Variants in ANO10 observed in about 807,000 individuals in gnomAD.
ANO10 encodes anoctamin 10.
Under a neutral mutation model 74.7 loss-of-function variants are expected in ANO10, and 77 were observed. The ratio of observed to expected loss-of-function variants is 1.03; its 90% CI spans 0.86 to 1.25. The LOEUF is 1.25. ANO10 is among the 50% of genes most tolerant of loss of function. ANO10 has a pLI of 0.00. For missense variants in ANO10, 721 were observed against 778.1 expected (o/e 0.93, Z 0.87); for synonymous variants, 279 against 284.9 (o/e 0.98, Z 0.21).
At chr3:43,492,290 C>A (rs2076752438) in intron 11 of ANO10, among the ~76,000 whole-genome samples, 1 of 152,138 alleles carries the variant, frequency 6.6e-6, no homozygotes, top group Non-Finnish European at 1.5e-5. Context: ...AAAATCAACT[C>A]AAGATGGATC....
intron 11 of ANO10, among the ~76,000 whole-genome samples, chr3:43,526,410 C>T (rs2078199177): frequency 6.6e-6 from 1 of 152,192 alleles, no homozygotes; most frequent in Non-Finnish European, 1.5e-5. Flanking sequence ...GGAGAAGCGT[C>T]AGCATGCATG....
intron 11 of ANO10, among the ~76,000 whole-genome samples, chr3:43,489,754 C>G (rs2076646807): frequency 6.6e-6 from 1 of 152,012 alleles, no homozygotes; most frequent in African/African-American, 2.4e-5. Flanking sequence ...CTTTTCTTTT[C>G]TTTGAGCTAG....
chr3:43,647,442 C>A (rs1008564302), intron 1 of ANO10, among the ~76,000 whole-genome samples: 2 of 151,908 alleles, frequency 1.3e-5, no homozygotes, highest in Admixed American at 6.6e-5. Flanking sequence ...AGTGAATTCA[C>A]CCTCCTCCCA....
At chr3:43,467,129 C>G (rs2075660536) in intron 11 of ANO10, among the ~76,000 whole-genome samples, 1 of 152,194 alleles carries the variant, frequency 6.6e-6, no homozygotes, top group South Asian at 2.1e-4. Flanking sequence ...CTGGAACTCT[C>G]AATCATTGCT....
chr3:43,604,660 A>C (rs1345727380), intron 2 of ANO10, among the ~76,000 whole-genome samples: 2 of 152,094 alleles, frequency 1.3e-5, no homozygotes, highest in Non-Finnish European at 2.9e-5. Flanking sequence ...CTTTTTTGGA[A>C]AGATTTTTTA....
intron 12 of ANO10, among the ~76,000 whole-genome samples, chr3:43,369,319 T>C (rs560656455): frequency 1.3e-5 from 2 of 152,356 alleles, no homozygotes; most frequent in South Asian, 4.1e-4. Context: ...CCTAAGAGCC[T>C]GAGGATGTCC....
intron 3 of ANO10, 99 bp downstream of exon 3, chr3:43,600,285 G>T: frequency 2.3e-6 from 3 of 1,320,132 alleles, no homozygotes; most frequent in South Asian, 1.2e-5. Flanking sequence ...TTTACTATTT[G>T]ACCCTTTACT....
intron 11 of ANO10, among the ~76,000 whole-genome samples, chr3:43,450,122 T>C (rs2148993269): frequency 6.6e-6 from 1 of 152,366 alleles, no homozygotes; most frequent in East Asian, 1.9e-4. Flanking sequence ...ACTTTTATTC[T>C]ACTAGTTTCT....
chr3:43,525,075 T>A (rs1390926259), intron 11 of ANO10, among the ~76,000 whole-genome samples: 1 of 152,166 alleles, frequency 6.6e-6, no homozygotes, highest in Non-Finnish European at 1.5e-5. Flanking sequence ...GCAAATGTGT[T>A]GAGGTCATCA....
chr3:43,535,352 T>G (rs923155084), intron 11 of ANO10, among the ~76,000 whole-genome samples: 4 of 149,206 alleles, frequency 2.7e-5, no homozygotes, highest in African/African-American at 9.9e-5. Flanking sequence ...CTTGGCTCAC[T>G]GAAACCTCTG....
chr3:43,366,897 G>A lies in ANO10; in HGVS notation c.*9C>T, dbSNP rs1256964777. 6.3e-6 allele frequency: 10 copies of A among 1,580,902 alleles called. No individual in the cohort carries two copies. Among genetic ancestry groups the A allele is most frequent in the South Asian group, 3.5e-5 (3 of 86,470 alleles). ...CTCTGCCAACAGGGCAGCTGGGCAC[G>A]CTGGGCACTCAGGTTGCCTTCTCCT... On this transcript the variant is annotated 3_prime_UTR_variant, in exon 13 of 13. Coordinates refer to ENST00000292246, the MANE Select transcript of ANO10 (RefSeq NM_018075.5).
At chr3:43,650,457 G>T in intron 1 of ANO10, among the ~76,000 whole-genome samples, 1 of 152,030 alleles carries the variant, frequency 6.6e-6, no homozygotes, top group South Asian at 2.1e-4. Context: ...TGGGTAGTTA[G>T]AAAAAGAAAA....
At chr3:43,402,002 G>A (rs1486943808) in intron 12 of ANO10, among the ~76,000 whole-genome samples, 1 of 152,168 alleles carries the variant, frequency 6.6e-6, no homozygotes, top group Admixed American at 6.5e-5. Flanking sequence ...AGGTGCTTTA[G>A]GCACAGTCCG....
chr3:43,650,427 A>G (rs191333254), intron 1 of ANO10, among the ~76,000 whole-genome samples: 1 of 152,368 alleles, frequency 6.6e-6, no homozygotes, highest in East Asian at 1.9e-4. Flanking sequence ...GATCAAGGAT[A>G]TCAAGTCTGG....
chr3:43,443,937 C>T (rs1185615466), intron 11 of ANO10, among the ~76,000 whole-genome samples: 4 of 152,120 alleles, frequency 2.6e-5, no homozygotes, highest in Non-Finnish European at 5.9e-5. Context: ...CTGCCTCGGC[C>T]TCCCAAAGTG....
chr3:43,501,521 C>T (rs2077098991), intron 11 of ANO10, among the ~76,000 whole-genome samples: 1 of 152,012 alleles, frequency 6.6e-6, no homozygotes. Flanking sequence ...GAATCTGAAG[C>T]AGTGAAGGGG....
intron 11 of ANO10, among the ~76,000 whole-genome samples, chr3:43,467,215 T>G (rs2075664568): frequency 6.6e-6 from 1 of 152,324 alleles, no homozygotes; most frequent in African/African-American, 2.4e-5. Flanking sequence ...AAATATATAC[T>G]TATCATAAGA....
chr3:43,635,510 T>C (rs2083598676), intron 1 of ANO10, among the ~76,000 whole-genome samples: 1 of 152,230 alleles, frequency 6.6e-6, no homozygotes, highest in Non-Finnish European at 1.5e-5. Flanking sequence ...GTAAATATAG[T>C]CCTTTATCTA....
At chr3:43,374,993 C>T (rs1464217729) in intron 12 of ANO10, among the ~76,000 whole-genome samples, 1 of 151,898 alleles carries the variant, frequency 6.6e-6, no homozygotes, top group African/African-American at 2.4e-5. Flanking sequence ...TGGCGGCAGG[C>T]ACCTGTAATC....
Sources: allele counts gnomAD v4.1 joint callset (sites outside exome capture counted in the v4.1 genomes callset), GRCh38; gene constraint gnomAD v4.1.1; transcripts MANE v1.5; gene names NCBI Gene and HGNC (gene_info 2026-07-23, HGNC 2026-07-21).